Variants in CYP4A11 observed in about 807,000 individuals in gnomAD.
CYP4A11 encodes the protein cytochrome P450 4A11.
In CYP4A11, 52 loss-of-function variants were observed where a neutral mutation model predicts 57.7. That is an observed-to-expected ratio of 0.90 (90% CI 0.72 to 1.14). The LOEUF (loss-of-function observed/expected upper bound fraction) is 1.14. Among genes scored for constraint, CYP4A11 ranks in the 50% most tolerant of loss-of-function variants. The pLI is 0.00. For synonymous variants in CYP4A11, 228 were observed against 247.1 expected, an observed-to-expected ratio of 0.92 and a Z score of 0.72; for missense variants, 641 against 642.1, an observed-to-expected ratio of 1.00 and a Z score of 0.02.
At chr1:46,937,056 G>A (rs1247890884) in intron 3 of CYP4A11, among the ~76,000 whole-genome samples, 1 of 152,190 alleles carries the variant, frequency 6.6e-6, no homozygotes, top group Non-Finnish European at 1.5e-5. Context: ...GTGGGCAGAT[G>A]TAAAATAAAT....
chr1:46,938,265 G>A, intron 1 of CYP4A11, 128 bp from the exon 2 acceptor site: 2 of 1,336,368 alleles, frequency 1.5e-6, no homozygotes, highest in Admixed American at 2.0e-5. Context: ...CTGATGACCT[G>A]AGCTGTGATC....
intron 11 of CYP4A11, chr1:46,932,028 G>A (rs1243643940): frequency 5.3e-5 from 52 of 984,924 alleles, no homozygotes; most frequent in South Asian, 1.9e-4. Flanking sequence ...ACATTTTTAT[G>A]TTTTTGGCCA....
At chr1:46,937,368 T>C in intron 2 of CYP4A11, 22 bp from the exon 3 acceptor site, 2 of 1,613,080 alleles carry the variant, frequency 1.2e-6, no homozygotes, top group Non-Finnish European at 1.7e-6. Context: ...GAAAGGGCTT[T>C]ATAGGAAACT....
intron 1 of CYP4A11, among the ~76,000 whole-genome samples, chr1:46,939,803 A>C (rs1279503218): frequency 6.9e-6 from 1 of 145,404 alleles, no homozygotes; most frequent in Non-Finnish European, 1.5e-5. Context: ...TAAAGGTTGA[A>C]ATGCAGAGGC....
At chr1:46,938,162 A>G (rs1199558334) in intron 1 of CYP4A11, 25 bp from the exon 2 acceptor site, 1 of 1,613,972 alleles carries the variant, frequency 6.2e-7, no homozygotes, top group Admixed American at 1.7e-5. Flanking sequence ...AGACAGATGA[A>G]CACTTTCATT....
At chr1:46,941,138 A>T in intron 1 of CYP4A11, 101 bp downstream of exon 1, 1 of 1,502,450 alleles carries the variant, frequency 6.7e-7, no homozygotes, top group Non-Finnish European at 8.9e-7. Context: ...GAGTCCTCAC[A>T]TTTGTTACAA....
At chr1:46,936,849 G>A in intron 3 of CYP4A11, 58 bp from the exon 4 acceptor site, 3 of 1,546,318 alleles carry the variant, frequency 1.9e-6, no homozygotes, top group Admixed American at 1.9e-5. Flanking sequence ...GTGTGTCAGG[G>A]GCTGCAAGGA....
chr1:46,936,934 C>G (rs1015980988), intron 3 of CYP4A11, 143 bp from the exon 4 acceptor site: 1 of 1,411,110 alleles, frequency 7.1e-7, no homozygotes, highest in Non-Finnish European at 9.3e-7. Context: ...GAAGAAGCCA[C>G]GTCATGGGCA....
At position 46,938,129 on chromosome 1, in the gene CYP4A11, C is replaced by G. The variant is rs1681530411; in HGVS notation, c.204G>C (p.Gln68His). Residue 68 changes from glutamine to histidine, a missense_variant, in exon 2 of 12, where the codon CAG (glutamine) becomes CAC (histidine). Physicochemically the swap from Gln to His is conservative, Grantham distance 24. Coordinates refer to ENST00000310638, the MANE Select transcript of CYP4A11 (RefSeq NM_000778.4). ...WLFGHIQELQ[Q>H]DQELQRIQKW... ...TCTGAATCCGTTGTAGCTCCTGGTC[C>G]TGTTGGAGCTGTCAACAAGGGTAGA... The G allele has an allele frequency of 1.9e-6, 3 of 1,614,224 alleles. No homozygotes were observed. The highest frequency in any genetic ancestry group is 2.5e-6 in the Non-Finnish European group (3 of 1,180,036).
Position 46,938,138 on chromosome 1 carries a change from C to A in CYP4A11, c.196-1G>T, listed in dbSNP as rs1348767208. On this transcript the variant is annotated splice_acceptor_variant, in intron 1 of 11. Coordinates refer to ENST00000310638, the MANE Select transcript of CYP4A11 (RefSeq NM_000778.4). LOFTEE classifies it high-confidence loss of function. ...GTTGTAGCTCCTGGTCCTGTTGGAG[C>A]TGTCAACAAGGGTAGACAGATGAAC... 1 of 1,614,196 alleles carries A rather than the reference C, an allele frequency of 6.2e-7. No homozygotes were observed. The highest frequency in any genetic ancestry group is 1.7e-5 in the Admixed American group (1 of 60,034).
In CYP4A11 at chr1:46,929,363, G is replaced by A. The variant is rs1363906995; in HGVS notation, c.*752C>T. The A allele has an allele frequency of 6.6e-6, 1 of 152,102 alleles. No homozygotes were observed. Among genetic ancestry groups the A allele is most frequent in the Non-Finnish European group, 1.5e-5 (1 of 68,054 alleles). 9.4% of individuals were successfully genotyped at this position (152,102 alleles called of 1,614,324 possible). A position where few individuals can be genotyped will look rare whatever the true frequency, so the allele number is the denominator to read the frequency against. ...TTCAGACCCAACACCAGGTCGTGGGGGTGACAAAGTCCGGCAGAGTCAAAG... is the reference window on the plus strand; with the variant it reads ...TTCAGACCCAACACCAGGTCGTGGGAGTGACAAAGTCCGGCAGAGTCAAAG... On this transcript the variant is annotated 3_prime_UTR_variant, in exon 12 of 12. Coordinates refer to ENST00000310638, the MANE Select transcript of CYP4A11 (RefSeq NM_000778.4).
intron 1 of CYP4A11, 43 bp from the exon 2 acceptor site, chr1:46,938,180 A>G (rs1425176904): frequency 1.9e-6 from 3 of 1,612,200 alleles, no homozygotes; most frequent in Non-Finnish European, 2.5e-6. Context: ...ATTTACTTCT[A>G]GTCTTTGCAG....
chr1:46,935,208 A>G, intron 5 of CYP4A11, 54 bp from the exon 6 acceptor site: 2 of 1,578,664 alleles, frequency 1.3e-6, no homozygotes, highest in South Asian at 1.2e-5. Flanking sequence ...ATTACCCGGA[A>G]GTAGAATGGG....
At chr1:46,940,385 G>A (rs990452895) in intron 1 of CYP4A11, among the ~76,000 whole-genome samples, 15 of 152,168 alleles carry the variant, frequency 9.9e-5, no homozygotes, top group African/African-American at 3.6e-4. Flanking sequence ...CATGGGGCGT[G>A]GGTTGGACAA....
intron 9 of CYP4A11, 31 bp downstream of exon 9, chr1:46,933,915 G>T (rs562826137): frequency 6.2e-7 from 1 of 1,613,660 alleles, no homozygotes. Context: ...CCTGTGGAGA[G>T]TTTAGGTGAG....
rs533408902 is a variant in CYP4A11 at position 46,935,014 on chromosome 1, G to A, written c.776C>T (p.Ala259Val). The A allele has an allele frequency of 1.2e-6, 2 of 1,613,956 alleles. No homozygotes were observed. Among genetic ancestry groups the A allele is most frequent in the East Asian group, 2.2e-5 (1 of 44,874 alleles). ...AAAGACAGAACCTGTGTGCTGATGG[G>A]CCAGCTGGCAGGCGCGGTGTGTCCA... The part of the protein sequence containing the change: ...GRWTHRACQL[A>V]HQHTDQVIQL... The change falls in exon 6 of 12, where the codon GCC becomes GTC. Residue 259 changes from alanine (A) to valine (V), a missense_variant. By Grantham distance (64) the Ala-to-Val change is moderately conservative. Coordinates refer to ENST00000310638, the MANE Select transcript of CYP4A11 (RefSeq NM_000778.4).
At position 46,941,463 on chromosome 1, in the gene CYP4A11, C is replaced by T. The variant is rs376878183; in HGVS notation, c.-30G>A. On this transcript the variant is annotated 5_prime_UTR_variant, in exon 1 of 12. Transcript: ENST00000310638. ...CAGCACCTGCTGGATCTCTGAGTGC[C>T]CCTACCTCTCTCTGACCACCCCCGT... 6 of 1,605,080 alleles carry T rather than the reference C, an allele frequency of 3.7e-6. No homozygotes were observed. In the African/African-American group the frequency reaches 4.0e-5, roughly 11 times the overall value.
chr1:46,934,835 T>C (rs553810149), intron 6 of CYP4A11, among the ~76,000 whole-genome samples, 165 bp downstream of exon 6: 1 of 152,354 alleles, frequency 6.6e-6, no homozygotes, highest in East Asian at 1.9e-4. Flanking sequence ...GCACAGAATC[T>C]GGCCCCTCAC....
Position 46,935,410 on chromosome 1 carries a change from C to T in CYP4A11, c.635+113G>A, listed in dbSNP as rs9333006. On this transcript the variant is annotated intron_variant, in intron 5 of 11. Transcript: ENST00000310638. Reference sequence around the variant, plus strand: ...ACTGGAATTAGAGTTTGGTCAGGGACTGACTCTTCCTTTGTGTGGCGGTGA... The same window carrying T: ...ACTGGAATTAGAGTTTGGTCAGGGATTGACTCTTCCTTTGTGTGGCGGTGA... 2,950 of 1,516,344 alleles carry T rather than the reference C, an allele frequency of 1.9e-3. 53 individuals are homozygous for T. In the African/African-American group the frequency reaches 0.036, roughly 19 times the overall value. The allele number at this position is 1,516,344 out of a possible 1,614,324, so 93.9% of individuals were successfully genotyped here.
Sources: allele counts gnomAD v4.1 joint callset (sites outside exome capture counted in the v4.1 genomes callset), GRCh38; gene constraint gnomAD v4.1.1; transcripts MANE v1.5; gene names NCBI Gene and HGNC (gene_info 2026-07-23, HGNC 2026-07-21).